Variants in EBF1 observed in about 807,000 individuals in gnomAD.
EBF1 encodes the protein EBF transcription factor 1.
EBF1 carries 10 observed loss-of-function variants against 68.4 expected under a neutral mutation model. The observed-to-expected ratio is 0.15, with a 90% CI of 0.09 to 0.25. EBF1 has a LOEUF of 0.25. EBF1 is among the 10% of genes least tolerant of loss of function. The pLI, the probability that EBF1 is intolerant of heterozygous loss-of-function variation, is 1.00. For synonymous variants in EBF1, 298 were observed against 299.8 expected, an observed-to-expected ratio of 0.99 and a Z score of 0.06; for missense variants, 509 against 794.4, an observed-to-expected ratio of 0.64 and a Z score of 4.32.
intron 4 of EBF1, among the ~76,000 whole-genome samples, chr5:159,094,165 C>CAA (rs869228922): frequency 0.012 from 257 of 21,882 alleles, 70 homozygotes; most frequent in Admixed American, 0.016. Context: ...CCTTGGAAGG[C>CAA]AAAAAAAAAA....
chr5:158,963,697 A>G (rs1018563875), intron 6 of EBF1, among the ~76,000 whole-genome samples: 1 of 152,220 alleles, frequency 6.6e-6, no homozygotes, highest in Non-Finnish European at 1.5e-5. Flanking sequence ...AAACATTTAA[A>G]CATGACATAA....
intron 6 of EBF1, chr5:158,984,609 C>T (rs959110111): frequency 6.6e-6 from 1 of 151,784 alleles, no homozygotes; most frequent in Non-Finnish European, 1.5e-5. Flanking sequence ...TACCACTTAC[C>T]AATCTCCATG....
At chr5:159,004,401 A>G (rs1405445673) in intron 6 of EBF1, among the ~76,000 whole-genome samples, 3 of 152,200 alleles carry the variant, frequency 2.0e-5, no homozygotes, top group Non-Finnish European at 4.4e-5. Context: ...TAAGAAAAAC[A>G]AAGTCCAGGG....
At chr5:158,998,471 C>T (rs1761898293) in intron 6 of EBF1, among the ~76,000 whole-genome samples, 1 of 152,122 alleles carries the variant, frequency 6.6e-6, no homozygotes, top group Non-Finnish European at 1.5e-5. Flanking sequence ...GGACTTTGTT[C>T]CCACTATTGA....
intron 8 of EBF1, among the ~76,000 whole-genome samples, chr5:158,804,012 C>T (rs912530257): frequency 2.9e-5 from 4 of 137,142 alleles, no homozygotes; most frequent in African/African-American, 1.1e-4. Flanking sequence ...GAAATGTAAC[C>T]CATGATACAG....
chr5:158,888,886 C>T (rs1183965470), intron 6 of EBF1, among the ~76,000 whole-genome samples: 2 of 152,082 alleles, frequency 1.3e-5, no homozygotes, highest in Admixed American at 1.3e-4. Flanking sequence ...CTCCTGCTAT[C>T]TTCCCTGTCA....
chr5:158,837,253 T>C (rs1387102904), intron 7 of EBF1, among the ~76,000 whole-genome samples: 1 of 152,198 alleles, frequency 6.6e-6, no homozygotes, highest in East Asian at 1.9e-4. Context: ...CATCCTACAA[T>C]GCATGGGGGC....
At chr5:158,934,299 G>A (rs2127448319) in intron 6 of EBF1, among the ~76,000 whole-genome samples, 1 of 152,264 alleles carries the variant, frequency 6.6e-6, no homozygotes, top group South Asian at 2.1e-4. Flanking sequence ...GTAGTACAGT[G>A]CACTTCATAC....
At chr5:158,771,188 T>C (rs1185134291) in intron 10 of EBF1, among the ~76,000 whole-genome samples, 1 of 152,134 alleles carries the variant, frequency 6.6e-6, no homozygotes, top group African/African-American at 2.4e-5. Flanking sequence ...TTCTTTGGAT[T>C]TTCAAAAATA....
intron 6 of EBF1, among the ~76,000 whole-genome samples, chr5:158,906,741 C>T (rs528643486): frequency 6.6e-6 from 1 of 152,302 alleles, no homozygotes; most frequent in Middle Eastern, 3.4e-3. Context: ...TGGGTTTATA[C>T]CACAGAACAA....
chr5:159,094,461 A>G (rs1782223730), intron 4 of EBF1, among the ~76,000 whole-genome samples: 1 of 152,180 alleles, frequency 6.6e-6, no homozygotes. Flanking sequence ...ATAGCTGTTA[A>G]TAAATTGGTT....
chr5:158,777,357 GA>G, intron 10 of EBF1, 55 bp downstream of exon 10: 1 of 1,492,698 alleles, frequency 6.7e-7, no homozygotes, highest in Non-Finnish European at 9.0e-7. Context: ...AAGATAAGGG[GA>G]AAGACCCCAC....
intron 6 of EBF1, among the ~76,000 whole-genome samples, chr5:158,942,427 G>A (rs1041404176): frequency 4.6e-5 from 7 of 152,298 alleles, no homozygotes; most frequent in Admixed American, 6.5e-5. Context: ...TTTATAAATT[G>A]GGGATAATAA....
At chr5:159,043,760 C>T (rs1178062507) in intron 6 of EBF1, among the ~76,000 whole-genome samples, 2 of 152,152 alleles carry the variant, frequency 1.3e-5, no homozygotes, top group Admixed American at 6.5e-5. Flanking sequence ...AAATGTCTCT[C>T]GGCACTTCAT....
At chr5:158,938,020 A>G (rs1279492681) in intron 6 of EBF1, among the ~76,000 whole-genome samples, 1 of 152,122 alleles carries the variant, frequency 6.6e-6, no homozygotes, top group African/African-American at 2.4e-5. Flanking sequence ...TTCACACTAT[A>G]AGGCAAAATG....
At chr5:158,815,311 A>G (rs1783494766) in intron 8 of EBF1, among the ~76,000 whole-genome samples, 1 of 152,196 alleles carries the variant, frequency 6.6e-6, no homozygotes, top group African/African-American at 2.4e-5. Context: ...AGGCAGACCT[A>G]AGGTCAAATT....
intron 10 of EBF1, among the ~76,000 whole-genome samples, chr5:158,770,266 T>C (rs1773608929): frequency 6.6e-6 from 1 of 152,024 alleles, no homozygotes; most frequent in Non-Finnish European, 1.5e-5. Flanking sequence ...ATTTTTCCTC[T>C]TAAATTCCTC....
intron 6 of EBF1, among the ~76,000 whole-genome samples, chr5:159,041,454 A>T (rs1382921419): frequency 1.3e-5 from 2 of 152,218 alleles, no homozygotes; most frequent in Admixed American, 6.5e-5. Flanking sequence ...CCTGTCGCGT[A>T]TGGATTCTGT....
At chr5:158,759,456 G>A (rs1290175170) in intron 10 of EBF1, among the ~76,000 whole-genome samples, 1 of 152,186 alleles carries the variant, frequency 6.6e-6, no homozygotes, top group Non-Finnish European at 1.5e-5. Context: ...TAGTCAGCTG[G>A]TACGGCTCAT....
Sources: gnomAD v4.1 joint callset for allele counts (sites outside exome capture counted in the v4.1 genomes callset) on GRCh38, gnomAD v4.1.1 for gene constraint, MANE v1.5 for transcripts, NCBI Gene and HGNC (gene_info 2026-07-23, HGNC 2026-07-21) for gene names.